The following STRBP variants were observed in gnomAD, a reference collection of about 807,000 sequenced individuals.
STRBP encodes the protein spermatid perinuclear RNA binding protein.
In STRBP, 13 loss-of-function variants were observed where a neutral mutation model predicts 80.1. The ratio of observed to expected loss-of-function variants is 0.16; its 90% CI spans 0.11 to 0.26. STRBP has a LOEUF of 0.26. STRBP is among the 10% of genes least tolerant of loss of function. The probability of loss-of-function intolerance (pLI) is 1.00; values close to 1 mark genes in which losing one functional copy is unlikely to be tolerated. For synonymous variants in STRBP, 284 were observed against 291.2 expected (o/e 0.98, Z 0.25); for missense variants, 485 against 815.2 (o/e 0.59, Z 4.93).
At chr9:123,169,872 A>T (rs2037931513) in intron 6 of STRBP, 30 bp downstream of exon 6, 3 of 1,156,000 alleles carry the variant, frequency 2.6e-6, no homozygotes, top group Non-Finnish European at 3.3e-6. Context: ...ACAAATATAT[A>T]CATATATATA....
chr9:123,125,447 AT>A lies in STRBP; in HGVS notation c.*149del. 7.9e-7 allele frequency: 1 copy of A among 1,262,040 alleles called. No individual in the cohort carries two copies. Among genetic ancestry groups the A allele is most frequent in the East Asian group, 3.1e-5 (1 of 32,532 alleles). The allele number at this position is 1,262,040 out of a possible 1,614,324, so 78.2% of individuals were successfully genotyped here. On this transcript the variant is annotated 3_prime_UTR_variant, in exon 19 of 19. Transcript: ENST00000348403. ...TCAAGTTTTAGAGAACTAAATTTGC[AT>A]TTGTTAAAATCAAAAAGTAGGAAAG...
chr9:123,238,310 T>C (rs549813154), intron 1 of STRBP, among the ~76,000 whole-genome samples: 1 of 152,340 alleles, frequency 6.6e-6, no homozygotes, highest in African/African-American at 2.4e-5. Flanking sequence ...GAATACATGA[T>C]ACTGCACAAT....
At chr9:123,164,111 T>C (rs1041199004) in intron 6 of STRBP, among the ~76,000 whole-genome samples, 1 of 152,214 alleles carries the variant, frequency 6.6e-6, no homozygotes, top group South Asian at 2.1e-4. Flanking sequence ...AGTGGCATGA[T>C]CTCGGCTCAC....
intron 2 of STRBP, chr9:123,213,908 C>G (rs929995901): frequency 7.1e-6 from 1 of 140,658 alleles, no homozygotes; most frequent in African/African-American, 2.7e-5. Flanking sequence ...CGTGACAAAG[C>G]GAGACTCCAT....
intron 5 of STRBP, among the ~76,000 whole-genome samples, chr9:123,172,956 A>G (rs2038070250): frequency 6.6e-6 from 1 of 152,154 alleles, no homozygotes; most frequent in Non-Finnish European, 1.5e-5. Flanking sequence ...AATTATCAAA[A>G]GCTGTAATTT....
rs561018641 is a variant in STRBP at position 123,178,348 on chromosome 9, A to G, written c.224+659T>C. On this transcript the variant is annotated intron_variant, in intron 4 of 18. Coordinates refer to ENST00000348403, the MANE Select transcript of STRBP (RefSeq NM_018387.5). Reference sequence around the variant, plus strand: ...CCAATCATTGTGACAACTGCTCAAAACAGTAACTTTAAGCTTAGCCTGGCA... The same window carrying G: ...CCAATCATTGTGACAACTGCTCAAAGCAGTAACTTTAAGCTTAGCCTGGCA... Among the ~76,000 whole-genome samples the G allele has an allele frequency of 2.1e-4, 32 of 152,298 alleles. 1 individual carries two copies. In the South Asian group the frequency reaches 6.6e-3, roughly 32 times the overall value.
chr9:123,197,072 C>T (rs1219225565), intron 2 of STRBP, among the ~76,000 whole-genome samples: 1 of 152,064 alleles, frequency 6.6e-6, no homozygotes, highest in Non-Finnish European at 1.5e-5. Context: ...AGAATGAGAT[C>T]TTGTTACTTG....
chr9:123,140,175 G>A (rs2036529375), intron 13 of STRBP, among the ~76,000 whole-genome samples: 1 of 152,188 alleles, frequency 6.6e-6, no homozygotes, highest in Admixed American at 6.5e-5. Flanking sequence ...CAATCCATTA[G>A]GAGAAATTGG....
chr9:123,263,196 T>G (rs768904954), intron 1 of STRBP, among the ~76,000 whole-genome samples: 1 of 151,676 alleles, frequency 6.6e-6, no homozygotes, highest in Non-Finnish European at 1.5e-5. Context: ...ACTATTAGAG[T>G]AGATCACGTA....
intron 2 of STRBP, among the ~76,000 whole-genome samples, chr9:123,234,458 T>A (rs1376209775): frequency 6.6e-6 from 1 of 151,978 alleles, no homozygotes; most frequent in East Asian, 1.9e-4. Context: ...GATCCTTACT[T>A]CCCAAAAAGA....
intron 2 of STRBP, among the ~76,000 whole-genome samples, chr9:123,210,355 T>C (rs2039664434): frequency 6.7e-6 from 1 of 149,776 alleles, no homozygotes; most frequent in Non-Finnish European, 1.5e-5. Flanking sequence ...ATTTTTGGAA[T>C]ACATACACCC....
intron 6 of STRBP, among the ~76,000 whole-genome samples, chr9:123,163,237 G>A (rs1044805076): frequency 2.3e-4 from 35 of 152,192 alleles, no homozygotes; most frequent in African/African-American, 8.2e-4. Context: ...TTCATCCAGG[G>A]ATCAGAGGTT....
intron 13 of STRBP, among the ~76,000 whole-genome samples, chr9:123,140,600 AC>A (rs1381940103): frequency 3.3e-5 from 5 of 151,724 alleles, no homozygotes; most frequent in African/African-American, 1.2e-4. Context: ...TCTCAAAAAA[AC>A]AAACAAACAA....
chr9:123,224,278 T>C (rs1364078813), intron 2 of STRBP, among the ~76,000 whole-genome samples: 4 of 152,216 alleles, frequency 2.6e-5, no homozygotes, highest in Non-Finnish European at 5.9e-5. Flanking sequence ...AACTATTTCC[T>C]AACAGCTGGA....
chr9:123,142,714 C>T (rs2036641201), intron 13 of STRBP, among the ~76,000 whole-genome samples: 1 of 152,066 alleles, frequency 6.6e-6, no homozygotes, highest in Non-Finnish European at 1.5e-5. Flanking sequence ...TCTCTTTTCC[C>T]TATTGCAATA....
chr9:123,113,094 CCT>C (rs2035593513), intron 3 of STRBP: 1 of 167,160 alleles, frequency 6.0e-6, no homozygotes, highest in Admixed American at 6.5e-5. Context: ...ACTCTCTGGG[CCT>C]CTCTTCCCCA....
rs972924681 is a variant in STRBP, at chr9:123,153,771, T to C, written c.1045+4241A>G. On this transcript the variant is annotated intron_variant, in intron 11 of 18. Transcript: ENST00000348403. Reference sequence around the variant, plus strand: ...GAGTTCAAGAGCTGGTAGTCTGGGATGGAAGTATTAATTTGGGACAATCTT... The same window carrying C: ...GAGTTCAAGAGCTGGTAGTCTGGGACGGAAGTATTAATTTGGGACAATCTT... Among the ~76,000 whole-genome samples, 9 of 152,262 alleles carry C rather than the reference T, an allele frequency of 5.9e-5. 1 individual carries two copies. The highest frequency in any genetic ancestry group is 2.9e-5 in the Non-Finnish European group (2 of 68,006).
intron 3 of STRBP, among the ~76,000 whole-genome samples, chr9:123,183,065 C>T (rs1293864495): frequency 1.3e-5 from 2 of 150,030 alleles, no homozygotes; most frequent in Non-Finnish European, 3.0e-5. Context: ...TCACCACCAA[C>T]AGACCGGCTA....
chr9:123,238,241 A>G (rs748654118), intron 1 of STRBP, among the ~76,000 whole-genome samples: 3 of 152,234 alleles, frequency 2.0e-5, no homozygotes, highest in African/African-American at 7.2e-5. Flanking sequence ...TGACGCCAGG[A>G]ATTCAAGACC....
Sources: gnomAD v4.1 joint callset for allele counts (sites outside exome capture counted in the v4.1 genomes callset) on GRCh38, gnomAD v4.1.1 for gene constraint, MANE v1.5 for transcripts, NCBI Gene and HGNC (gene_info 2026-07-23, HGNC 2026-07-21) for gene names.